LPA: variants seen among roughly 807,000 people sequenced by gnomAD.
LPA encodes the protein apolipoprotein(a).
A neutral mutation model predicts 197.9 loss-of-function variants in LPA; 199 were observed. The ratio of observed to expected loss-of-function variants is 1.01; its 90% confidence interval spans 0.90 to 1.13. The LOEUF is 1.13. Among genes scored for constraint, LPA ranks in the 50% most tolerant of loss-of-function variants. LPA has a pLI of 0.00. For synonymous variants in LPA, 715 were observed against 639.5 expected (o/e 1.12, Z -1.78); for missense variants, 1,853 against 1,785.8 (o/e 1.04, Z -0.68).
At chr6:160,567,813 A>G (rs1219561402) in intron 28 of LPA, among the ~76,000 whole-genome samples, 1 of 152,220 alleles carries the variant, frequency 6.6e-6, no homozygotes, top group African/African-American at 2.4e-5. Flanking sequence ...TAAAGGGGAT[A>G]TCACTACCAA....
In LPA at chr6:160,606,526, C is replaced by G; in HGVS notation, c.2736G>C (p.Ala912=). ...QCSDAEGTAV[A]PPTITPIPSL... ...TTGGAATCGGGGTAATAGTTGGAGGCGCGACGGCAGTCCCTTCTGCGTCTG... is the reference window on the plus strand; with the variant it reads ...TTGGAATCGGGGTAATAGTTGGAGGGGCGACGGCAGTCCCTTCTGCGTCTG... The change falls in exon 17 of 39, where the codon GCG becomes GCC. Residue 912 remains alanine, a synonymous_variant. Transcript: ENST00000316300. The G allele has an allele frequency of 6.2e-7, 1 of 1,613,528 alleles. No homozygotes were observed. The highest frequency in any genetic ancestry group is 2.2e-5 in the East Asian group (1 of 44,866).
At chr6:160,611,845 AG>A in intron 15 of LPA, 124 bp from the exon 16 acceptor site, 1 of 906,352 alleles carries the variant, frequency 1.1e-6, no homozygotes, top group East Asian at 3.4e-5. Flanking sequence ...CCTTACCTGT[AG>A]GCAGATGGAT....
chr6:160,606,310 A>C (rs1242517142), intron 17 of LPA, among the ~76,000 whole-genome samples, 167 bp downstream of exon 17: 4 of 152,140 alleles, frequency 2.6e-5, no homozygotes, highest in Non-Finnish European at 2.9e-5. Flanking sequence ...CCAGAAATCA[A>C]TCCGCTGGCT....
At chr6:160,545,079 G>C (rs1450069924) in intron 33 of LPA, among the ~76,000 whole-genome samples, 1 of 152,012 alleles carries the variant, frequency 6.6e-6, no homozygotes, top group South Asian at 2.1e-4. Flanking sequence ...CTGCAGAAGA[G>C]GACAGTTTTT....
chr6:160,653,957 TA>T (rs1216578144), intron 1 of LPA, among the ~76,000 whole-genome samples: 6 of 42,718 alleles, frequency 1.4e-4, no homozygotes, highest in South Asian at 6.7e-4. Context: ...ATATTATATA[TA>T]ATATATATTA....
chr6:160,640,926 G>A (rs150123860), intron 4 of LPA, 78 bp from the exon 5 acceptor site: 541 of 238,290 alleles, frequency 2.3e-3, no homozygotes, highest in Non-Finnish European at 3.2e-3. Context: ...CCTTTGTGCT[G>A]CAACAAGGTC....
At chr6:160,591,294 T>C (rs1016040780) in intron 22 of LPA, among the ~76,000 whole-genome samples, 193 bp from the exon 23 acceptor site, 1 of 152,236 alleles carries the variant, frequency 6.6e-6, no homozygotes, top group Admixed American at 6.5e-5. Flanking sequence ...ATTATCATTC[T>C]TATTGTAACA....
At chr6:160,585,599 G>T (rs1382734964) in intron 25 of LPA, among the ~76,000 whole-genome samples, 3 of 152,012 alleles carry the variant, frequency 2.0e-5, no homozygotes, top group Non-Finnish European at 4.4e-5. Context: ...TTAGTGGGGG[G>T]TATACATGAA....
chr6:160,581,117 CA>C (rs1346631321), intron 26 of LPA, among the ~76,000 whole-genome samples: 1 of 152,076 alleles, frequency 6.6e-6, no homozygotes, highest in Non-Finnish European at 1.5e-5. Flanking sequence ...ATTCAAGCGT[CA>C]CATTTGTTAT....
At chr6:160,576,322 G>A (rs1364655019) in intron 28 of LPA, among the ~76,000 whole-genome samples, 1 of 32,088 alleles carries the variant, frequency 3.1e-5, no homozygotes, top group Non-Finnish European at 5.3e-5. Context: ...CTGTATGTAT[G>A]TGTGTGTGTG....
chr6:160,579,304 A>T (rs1778745961), intron 26 of LPA, among the ~76,000 whole-genome samples: 1 of 152,192 alleles, frequency 6.6e-6, no homozygotes, highest in South Asian at 2.1e-4. Flanking sequence ...TGTATCTGGT[A>T]GAGCAAGTGG....
intron 1 of LPA, among the ~76,000 whole-genome samples, chr6:160,654,452 C>G (rs1429451426): frequency 6.6e-6 from 1 of 151,950 alleles, no homozygotes; most frequent in East Asian, 1.9e-4. Flanking sequence ...ACAGACATAA[C>G]CGAGATTAAT....
chr6:160,566,578 A>G (rs893820298), intron 28 of LPA, among the ~76,000 whole-genome samples: 3 of 152,242 alleles, frequency 2.0e-5, no homozygotes, highest in Non-Finnish European at 4.4e-5. Context: ...AAGAAACTGC[A>G]TCAACTAATG....
At chr6:160,547,716 T>G in intron 32 of LPA, 73 bp downstream of exon 32, 1 of 1,605,170 alleles carries the variant, frequency 6.2e-7, no homozygotes, top group Non-Finnish European at 8.5e-7. Flanking sequence ...TTTCCAGTAT[T>G]TTCCTCTGCC....
chr6:160,588,336 T>C (rs1321018663), intron 24 of LPA, among the ~76,000 whole-genome samples: 2 of 152,142 alleles, frequency 1.3e-5, no homozygotes, highest in Admixed American at 6.5e-5. Context: ...AGAAGGGTTG[T>C]TGGAGTTTTT....
Position 160,577,232 on chromosome 6 carries a change from C to T in LPA, c.4535G>A (p.Gly1512Asp), listed in dbSNP as rs777490947. The change falls in exon 28 of 39, where the codon GGC becomes GAC. Residue 1512 changes from glycine (G) to aspartate (D), a missense_variant. Physicochemically the swap from Gly to Asp is moderately conservative, Grantham distance 94 (BLOSUM62 -1). This residue lies in a region of LPA where 1,737 missense variants were observed against 1,504.4 expected (regional missense o/e 1.15). Transcript: ENST00000316300. The stretch of plus-strand genomic sequence containing the variant: ...TCCTGTGACAGTGGTGGAGGATATG[C>T]CTCGATAACTCCGTCCATCACCATG... ...CYHGDGRSYR[G>D]ISSTTVTGRT... 1.9e-6 allele frequency: 3 copies of T among 1,613,866 alleles called. No homozygotes were observed. The highest frequency in any genetic ancestry group is 1.3e-5 in the African/African-American group (1 of 75,010).
chr6:160,593,784 C>T (rs1342977888), intron 22 of LPA, among the ~76,000 whole-genome samples, 174 bp downstream of exon 22: 1 of 152,180 alleles, frequency 6.6e-6, no homozygotes, highest in Non-Finnish European at 1.5e-5. Flanking sequence ...AGAGAGCTGG[C>T]CTGACATTTC....
chr6:160,555,242 A>ATATTG (rs1421376424), intron 30 of LPA, among the ~76,000 whole-genome samples: 1 of 76,886 alleles, frequency 1.3e-5, no homozygotes, highest in Non-Finnish European at 2.6e-5. Context: ...TATATTAATT[A>ATATTG]TATTATATTA....
chr6:160,606,884 A>C (rs1779366802), intron 16 of LPA, among the ~76,000 whole-genome samples: 1 of 152,218 alleles, frequency 6.6e-6, no homozygotes, highest in South Asian at 2.1e-4. Flanking sequence ...CTAAAGTAGC[A>C]AACGCTTCTT....
Sources: gnomAD v4.1 joint callset for allele counts (sites outside exome capture counted in the v4.1 genomes callset) on GRCh38, gnomAD v4.1.1 for gene constraint, gnomAD v4.1.1 regional missense constraint, MANE v1.5 for transcripts, NCBI Gene and HGNC (gene_info 2026-07-23, HGNC 2026-07-21) for gene names.